CORO7: variants seen among roughly 807,000 people sequenced by gnomAD.
CORO7 encodes coronin 7, also known as coronin-7.
Under a neutral mutation model 126.6 loss-of-function variants are expected in CORO7, and 107 were observed. The observed-to-expected ratio is 0.85, with a 90% CI of 0.72 to 0.99. The LOEUF (loss-of-function observed/expected upper bound fraction) is 0.99. Ranked by LOEUF, CORO7 falls within the 50% of genes least tolerant of loss-of-function variation. The probability of loss-of-function intolerance (pLI) is 0.00; values close to 1 mark genes in which losing one functional copy is unlikely to be tolerated. For missense variants in CORO7, 1,314 were observed against 1,255.8 expected, an observed-to-expected ratio of 1.05 and a Z score of -0.70; for synonymous variants, 603 against 536.8, an observed-to-expected ratio of 1.12 and a Z score of -1.70.
At chr16:4,378,973 C>T (rs1432119882) in intron 9 of CORO7, among the ~76,000 whole-genome samples, 2 of 152,078 alleles carry the variant, frequency 1.3e-5, no homozygotes, top group African/African-American at 4.8e-5. Flanking sequence ...ACCCCGGGGA[C>T]AAGGGCTTCT....
rs758386468 is a variant in CORO7 at position 4,413,416 on chromosome 16, G to T, written c.61-12C>A. The T allele has an allele frequency of 3.2e-6, 5 of 1,559,664 alleles. No individual in the cohort carries two copies. In the African/African-American group the frequency reaches 4.1e-5, roughly 13 times the overall value. On this transcript the variant is annotated splice_polypyrimidine_tract_variant and intron_variant, in intron 1 of 27. Coordinates refer to ENST00000251166, the MANE Select transcript of CORO7 (RefSeq NM_024535.5). ...TCACTGATCCAGGACTGAAAATCAAGAGTAAAGAAGTATGTGGTGAGAGCC... is the reference window on the plus strand; with the variant it reads ...TCACTGATCCAGGACTGAAAATCAATAGTAAAGAAGTATGTGGTGAGAGCC...
intron 5 of CORO7, 115 bp downstream of exon 5, chr16:4,407,386 G>T: frequency 8.2e-7 from 1 of 1,223,688 alleles, no homozygotes; most frequent in Non-Finnish European, 1.1e-6. Context: ...TACTATGTAA[G>T]TGTAAAACTT....
intron 9 of CORO7, among the ~76,000 whole-genome samples, chr16:4,375,565 G>A (rs2054690308): frequency 1.3e-5 from 2 of 152,230 alleles, no homozygotes; most frequent in African/African-American, 2.4e-5. Flanking sequence ...TTGGCTCACT[G>A]CAAGCTCCGC....
Position 4,358,003 on chromosome 16 carries a change from C to A in CORO7, c.2558G>T (p.Trp853Leu). ...GTCAGGAGGCTGCAGGCTGAGAAGC[C>A]AGGGCTGCCCATTAGCGCCTTGCAG... is the stretch of plus-strand genomic sequence containing the variant. ...AWLQGANGQP[W>L]LLSLQPPDMS... Residue 853 changes from tryptophan to leucine, a missense_variant, in exon 25 of 28, where the codon TGG becomes TTG. By Grantham distance (61) the Trp-to-Leu change is moderately conservative. Transcript: ENST00000251166. 1 of 1,611,532 alleles carries A rather than the reference C, an allele frequency of 6.2e-7. No individual in the cohort carries two copies. The highest frequency in any genetic ancestry group is 1.1e-5 in the South Asian group (1 of 91,028).
rs2054204993 is a variant in CORO7 at position 4,362,241 on chromosome 16, A to G, written c.1403-81T>C. 5.4e-6 allele frequency: 8 copies of G among 1,488,530 alleles called. No homozygotes were observed. Among genetic ancestry groups the G allele is most frequent in the African/African-American group, 1.4e-5 (1 of 70,768 alleles). 92.2% of individuals were successfully genotyped at this position (1,488,530 alleles called of 1,614,324 possible). ...TGCACTCTTTGAGTCCCGGCTGCCC[A>G]CTCCCCTCACCCCAGGTGGATGTAC... is the stretch of plus-strand genomic sequence containing the variant. On this transcript the variant is annotated intron_variant, in intron 15 of 27. Coordinates refer to ENST00000251166, the MANE Select transcript of CORO7 (RefSeq NM_024535.5). This position sits in a 1 kb window ranked among gnomAD's most constrained non-coding sequence, Gnocchi z 5.3.
At position 4,395,343 on chromosome 16, in the gene CORO7, G is replaced by T; in HGVS notation, c.565-4C>A. The T allele has an allele frequency of 6.2e-7, 1 of 1,614,026 alleles. No individual in the cohort carries two copies. ...CAAAGATCCGCAGCTGCTTGTCCTG[G>T]AAAAGCAGAGAGGAGGAAACAACTT... is the stretch of plus-strand genomic sequence containing the variant. On this transcript the variant is annotated splice_polypyrimidine_tract_variant and splice_region_variant and intron_variant, in intron 6 of 27. Transcript: ENST00000251166.
rs763118244 is a variant in CORO7 at position 4,357,958 on chromosome 16, C to T, written c.2593+10G>A. ...CCCGCTTCCTCCCCACACCCAGTCCCTCGGTGCACCTGGGCTCATGTCAGG... is the reference window on the plus strand; with the variant it reads ...CCCGCTTCCTCCCCACACCCAGTCCTTCGGTGCACCTGGGCTCATGTCAGG... On this transcript the variant is annotated intron_variant, in intron 25 of 27. Transcript: ENST00000251166. 1.3e-6 allele frequency: 2 copies of T among 1,592,892 alleles called. No individual in the cohort carries two copies. Among genetic ancestry groups the T allele is most frequent in the Admixed American group, 3.4e-5 (2 of 59,178 alleles).
At chr16:4,403,031 G>C (rs2055869919) in intron 6 of CORO7, among the ~76,000 whole-genome samples, 1 of 152,106 alleles carries the variant, frequency 6.6e-6, no homozygotes, top group Non-Finnish European at 1.5e-5. Flanking sequence ...GGCGGGGGTG[G>C]GGGCACACTC....
intron 9 of CORO7, among the ~76,000 whole-genome samples, chr16:4,380,509 C>T (rs943585973): frequency 2.0e-5 from 3 of 152,214 alleles, no homozygotes; most frequent in Admixed American, 1.3e-4. Flanking sequence ...GAGGAGCTGC[C>T]GCTCCAAGTC....
Position 4,362,087 on chromosome 16 carries a change from C to T in CORO7, c.1476G>A (p.Gly492=), listed in dbSNP as rs1207730056. The change falls in exon 16 of 28, where the codon GGG becomes GGA. Residue 492 remains glycine (G), a synonymous_variant. Transcript: ENST00000251166. This position sits in a 1 kb window ranked among gnomAD's most constrained non-coding sequence, Gnocchi z 5.3. ...HRDSHITNLK[G]LNLTTPGESD... ...TCTCACCAGGTGTGGTGAGGTTGAGCCCCTTGAGGTTGGTGATGTGGCTGT... is the reference window on the plus strand; with the variant it reads ...TCTCACCAGGTGTGGTGAGGTTGAGTCCCTTGAGGTTGGTGATGTGGCTGT... 1.2e-6 allele frequency: 2 copies of T among 1,613,142 alleles called. No homozygotes were observed. The highest frequency in any genetic ancestry group is 1.7e-6 in the Non-Finnish European group (2 of 1,179,946).
At chr16:4,410,287 T>C (rs1045478117) in intron 3 of CORO7, among the ~76,000 whole-genome samples, 4 of 152,096 alleles carry the variant, frequency 2.6e-5, no homozygotes, top group African/African-American at 9.7e-5. Context: ...CAGCTGGGCA[T>C]GGTGGTGTGT....
At chr16:4,393,753 T>A (rs947197484) in intron 7 of CORO7, among the ~76,000 whole-genome samples, 3 of 152,172 alleles carry the variant, frequency 2.0e-5, no homozygotes, top group African/African-American at 7.2e-5. Flanking sequence ...GACCCTAAAC[T>A]TCACCTTCCT....
chr16:4,411,041 T>C lies in CORO7; in HGVS notation c.232+1315A>G, dbSNP rs540438159. On this transcript the variant is annotated intron_variant, in intron 3 of 27. Transcript: ENST00000251166. ...GGCATGCGGGATCTTTTGGGGATGA[T>C]GGAAACGTTCCAAAACTGGATGGCA... 4.6e-5 allele frequency among the ~76,000 whole-genome samples: 7 copies of C among 152,282 alleles called. No homozygotes were observed. The East Asian group carries it at 9.6e-4, about 21-fold the overall frequency.
chr16:4,399,020 C>G (rs117862246), intron 6 of CORO7, among the ~76,000 whole-genome samples: 1,736 of 151,786 alleles, frequency 0.011, 13 homozygotes, highest in Non-Finnish European at 0.016. Flanking sequence ...AAGTTAGAAC[C>G]CTTGCACACT....
rs181755035 is a variant in CORO7 at position 4,376,968 on chromosome 16, T to C, written c.785+11018A>G. Among the ~76,000 whole-genome samples, 736 of 152,260 alleles carry C rather than the reference T, an allele frequency of 4.8e-3. 2 individuals carry two copies. The highest frequency in any genetic ancestry group is 0.017 in the African/African-American group (695 of 41,546). On this transcript the variant is annotated intron_variant, in intron 9 of 27. Transcript: ENST00000251166. ...TATGAGTGACGCCCTCCGCAGTGAATGTTTACCGACCACTTGGCAAGTGCT... is the reference window on the plus strand; with the variant it reads ...TATGAGTGACGCCCTCCGCAGTGAACGTTTACCGACCACTTGGCAAGTGCT...
chr16:4,393,064 G>A (rs572829263), intron 7 of CORO7, among the ~76,000 whole-genome samples: 2 of 152,244 alleles, frequency 1.3e-5, no homozygotes, highest in Admixed American at 1.3e-4. Context: ...GGAGGGGAGA[G>A]GAGGAGGAAG....
intron 6 of CORO7, among the ~76,000 whole-genome samples, chr16:4,404,259 C>T (rs1306622448): frequency 7.2e-5 from 11 of 152,320 alleles, no homozygotes; most frequent in African/African-American, 1.7e-4. Context: ...TGTCTTCAGG[C>T]TCGGCACACC....
At chr16:4,386,387 G>A (rs950351467) in intron 9 of CORO7, among the ~76,000 whole-genome samples, 2 of 152,202 alleles carry the variant, frequency 1.3e-5, no homozygotes, top group Non-Finnish European at 2.9e-5. Context: ...GAGCCTGGAA[G>A]GCAGGAAGTG....
At chr16:4,367,390 C>T (rs557744459) in intron 9 of CORO7, among the ~76,000 whole-genome samples, 87 of 152,360 alleles carry the variant, frequency 5.7e-4, no homozygotes, top group Admixed American at 5.2e-3. Flanking sequence ...TTCATTCGTT[C>T]ACAATCATTC....
Sources: gnomAD v4.1 joint callset for allele counts (sites outside exome capture counted in the v4.1 genomes callset) on GRCh38, gnomAD v4.1.1 for gene constraint, Gnocchi (gnomAD v3.1) non-coding constraint, MANE v1.5 for transcripts, NCBI Gene and HGNC (gene_info 2026-07-23, HGNC 2026-07-21) for gene names.